The following AIFM2 variants were observed in gnomAD, a reference collection of about 807,000 sequenced individuals.
AIFM2 encodes the protein ferroptosis suppressor protein 1.
Under a neutral mutation model 35.7 loss-of-function variants are expected in AIFM2, and 38 were observed. The observed-to-expected ratio is 1.06, with a 90% confidence interval of 0.82 to 1.39. The LOEUF is 1.39. AIFM2 is among the 40% of genes most tolerant of loss of function. The pLI is 0.00. For missense variants in AIFM2, 476 were observed against 491.2 expected, an observed-to-expected ratio of 0.97 and a Z score of 0.29; for synonymous variants, 185 against 203.5, an observed-to-expected ratio of 0.91 and a Z score of 0.77.
chr10:70,118,876 G>A (rs147835344), intron 5 of AIFM2, among the ~76,000 whole-genome samples: 201 of 152,326 alleles, frequency 1.3e-3, no homozygotes, highest in African/African-American at 4.6e-3. Flanking sequence ...GTTCCCGGGT[G>A]ATGGGAGCAT....
chr10:70,128,568 G>A (rs998844472), intron 1 of AIFM2, among the ~76,000 whole-genome samples: 8 of 152,186 alleles, frequency 5.3e-5, no homozygotes, highest in Admixed American at 1.3e-4. Context: ...TCGCCGTGTC[G>A]GCCAGGCTGG....
chr10:70,120,496 G>T lies in AIFM2; in HGVS notation c.507+11C>A, dbSNP rs780618604. The T allele has an allele frequency of 1.2e-6, 2 of 1,614,144 alleles. No individual in the cohort carries two copies. Among genetic ancestry groups the T allele is most frequent in the Non-Finnish European group, 1.7e-6 (2 of 1,179,984 alleles). On this transcript the variant is annotated intron_variant, in intron 5 of 8. Transcript: ENST00000307864. ...CCACTTAGAGCTCCAAGGCAAGGCA[G>T]CCTGGCTCACCTCTTTCTCAGGATA...
rs2072401100 is a variant in AIFM2 at position 70,113,584 on chromosome 10, G to A, written c.*594C>T. On this transcript the variant is annotated 3_prime_UTR_variant, in exon 9 of 9. Coordinates refer to ENST00000307864, the MANE Select transcript of AIFM2 (RefSeq NM_032797.6). ...AATGTAGGAAGGCCATGAGGCTTAA[G>A]GAGCACAGGGATTATGCACCTGTTA... 1 of 152,290 alleles carries A rather than the reference G, an allele frequency of 6.6e-6. No homozygotes were observed. The highest frequency in any genetic ancestry group is 6.5e-5 in the Admixed American group (1 of 15,274). 9.4% of individuals were successfully genotyped at this position (152,290 alleles called of 1,614,324 possible).
intron 7 of AIFM2, among the ~76,000 whole-genome samples, 187 bp downstream of exon 7, chr10:70,116,435 C>T (rs1424919866): frequency 1.3e-5 from 2 of 152,212 alleles, no homozygotes; most frequent in Non-Finnish European, 2.9e-5. Context: ...CACCTGGGGC[C>T]GAGCCATGGT....
chr10:70,124,173 C>T, intron 1 of AIFM2, 76 bp from the exon 2 acceptor site: 1 of 1,168,094 alleles, frequency 8.6e-7, no homozygotes, highest in Non-Finnish European at 1.1e-6. Context: ...GTGAGAGAGG[C>T]CTCGATCATG....
rs1348033213 is a variant in AIFM2 at position 70,131,681 on chromosome 10, C to T, written c.-14+1053G>A. Among the ~76,000 whole-genome samples the T allele has an allele frequency of 6.6e-6, 1 of 152,164 alleles. No homozygotes were observed. Among genetic ancestry groups the T allele is most frequent in the Admixed American group, 6.5e-5 (1 of 15,284 alleles). On this transcript the variant is annotated intron_variant, in intron 1 of 8. Transcript: ENST00000307864. This position sits in a 1 kb window ranked among gnomAD's most constrained non-coding sequence, Gnocchi z 4.1. Reference sequence around the variant, plus strand: ...GGCCACCAGACAAAAGTCAGGCTGGCCCTGGAGTCCACCGGCCTGCCCAGC... The same window carrying T: ...GGCCACCAGACAAAAGTCAGGCTGGTCCTGGAGTCCACCGGCCTGCCCAGC...
chr10:70,117,211 C>A lies in AIFM2; in HGVS notation c.617-437G>T, dbSNP rs565386345. On this transcript the variant is annotated intron_variant, in intron 6 of 8. Coordinates refer to ENST00000307864, the MANE Select transcript of AIFM2 (RefSeq NM_032797.6). This position sits in a 1 kb window ranked among gnomAD's most constrained non-coding sequence, Gnocchi z 4.7. ...CTAAAGTGACAGTGACGGCAGCACT[C>A]CACAGCCAGTTACCAAAAGGAGGCT... is the stretch of plus-strand genomic sequence containing the variant. Among the ~76,000 whole-genome samples, 1 of 152,320 alleles carries A rather than the reference C, an allele frequency of 6.6e-6. No individual in the cohort carries two copies. The highest frequency in any genetic ancestry group is 2.4e-5 in the African/African-American group (1 of 41,578).
At chr10:70,125,378 A>G (rs1278685913) in intron 1 of AIFM2, among the ~76,000 whole-genome samples, 2 of 139,252 alleles carry the variant, frequency 1.4e-5, no homozygotes, top group Non-Finnish European at 3.1e-5. Flanking sequence ...AGGAAGGAGG[A>G]TCTTTTGAGC....
At chr10:70,129,399 C>T (rs2072603647) in intron 1 of AIFM2, among the ~76,000 whole-genome samples, 2 of 151,620 alleles carry the variant, frequency 1.3e-5, no homozygotes, top group South Asian at 4.2e-4. Context: ...ATTAGTTTGC[C>T]CAGTCCCAAA....
Position 70,121,640 on chromosome 10 carries a change from T to C in AIFM2, c.295-429A>G, listed in dbSNP as rs77255874. On this transcript the variant is annotated intron_variant, in intron 3 of 8. Transcript: ENST00000307864. ...AGAAAGGGAAAGAAAGAAAGACTGA[T>C]CAGTAGTGGCATCACATCTGTGAAC... Among the ~76,000 whole-genome samples the C allele has an allele frequency of 7.7e-3, 1,167 of 151,388 alleles. 19 individuals are homozygous for C. Among genetic ancestry groups the C allele is most frequent in the African/African-American group, 0.019 (771 of 40,886 alleles).
Position 70,114,785 on chromosome 10 carries a change from A to T in AIFM2, c.970+135T>A. 3.5e-6 allele frequency: 4 copies of T among 1,135,862 alleles called. No individual in the cohort carries two copies. The Admixed American group carries it at 7.1e-5, about 20-fold the overall frequency. The allele number at this position is 1,135,862 out of a possible 1,614,324, so 70.4% of individuals were successfully genotyped here. On this transcript the variant is annotated intron_variant, in intron 8 of 8. Coordinates refer to ENST00000307864, the MANE Select transcript of AIFM2 (RefSeq NM_032797.6). ...CACCGCGCCCAGCCTATTTTTAAAG[A>T]GCTCTAAGGGGATGTTTCCATCACC...
At position 70,126,516 on chromosome 10, in the gene AIFM2, C is replaced by T. The variant is rs147162891; in HGVS notation, c.-13-2419G>A. On this transcript the variant is annotated intron_variant, in intron 1 of 8. Coordinates refer to ENST00000307864, the MANE Select transcript of AIFM2 (RefSeq NM_032797.6). ...CACTGCACTGCCCTGATCATCTTTG[C>T]GGGTCTGGGGCACAACCCCTTCCCT... Among the ~76,000 whole-genome samples the T allele has an allele frequency of 5.7e-4, 87 of 152,278 alleles. 3 individuals are homozygous for T. The East Asian group carries it at 0.015, about 27-fold the overall frequency.
intron 1 of AIFM2, among the ~76,000 whole-genome samples, chr10:70,126,340 T>C (rs1365054542): frequency 6.6e-6 from 1 of 152,212 alleles, no homozygotes; most frequent in African/African-American, 2.4e-5. Context: ...CAACAGCTGC[T>C]GTGGGCTTCA....
At chr10:70,129,616 C>T (rs2072606143) in intron 1 of AIFM2, among the ~76,000 whole-genome samples, 1 of 152,156 alleles carries the variant, frequency 6.6e-6, no homozygotes. Context: ...CAATTCTCAA[C>T]ACATCAAACC....
chr10:70,132,132 A>G (rs982972524), intron 1 of AIFM2, among the ~76,000 whole-genome samples: 1 of 152,180 alleles, frequency 6.6e-6, no homozygotes, highest in Non-Finnish European at 1.5e-5. Context: ...ATTCAGTTCC[A>G]GGTGGACTGC....
At chr10:70,118,351 C>T (rs1436309057) in intron 5 of AIFM2, 2 of 157,110 alleles carry the variant, frequency 1.3e-5, no homozygotes, top group Non-Finnish European at 2.8e-5. Flanking sequence ...CACAGGGAAG[C>T]GTCCCGGGCA....
At position 70,124,112 on chromosome 10, in the gene AIFM2, G is replaced by A. The variant is rs899829596; in HGVS notation, c.-13-15C>T. ...CAAATCAGGCACTGCTGGGAAGAAA[G>A]AGGAGAGCATATCAGAGTCAGGGAG... On this transcript the variant is annotated splice_polypyrimidine_tract_variant and intron_variant, in intron 1 of 8. Transcript: ENST00000307864. The A allele has an allele frequency of 5.2e-5, 75 of 1,449,740 alleles. No individual in the cohort carries two copies. The highest frequency in any genetic ancestry group is 6.4e-5 in the Non-Finnish European group (70 of 1,092,382). 89.8% of individuals were successfully genotyped at this position (1,449,740 alleles called of 1,614,324 possible).
chr10:70,114,042 G>A lies in AIFM2; in HGVS notation c.*136C>T. The A allele has an allele frequency of 8.7e-7, 1 of 1,149,124 alleles. No individual in the cohort carries two copies. Among genetic ancestry groups the A allele is most frequent in the Non-Finnish European group, 1.2e-6 (1 of 835,394 alleles). The allele number at this position is 1,149,124 out of a possible 1,614,324, so 71.2% of individuals were successfully genotyped here. A position where few individuals can be genotyped will look rare whatever the true frequency, so the allele number is the denominator to read the frequency against. ...CTCCCATTTTTGTTTTATACAAGTT[G>A]CATTTCTAGCCACCACATCATTGGC... is the stretch of plus-strand genomic sequence containing the variant. On this transcript the variant is annotated 3_prime_UTR_variant, in exon 9 of 9. Transcript: ENST00000307864.
At chr10:70,123,687 T>G (rs2072534764) in intron 2 of AIFM2, among the ~76,000 whole-genome samples, 167 bp from the exon 3 acceptor site, 1 of 152,160 alleles carries the variant, frequency 6.6e-6, no homozygotes, top group African/African-American at 2.4e-5. Flanking sequence ...AATGCCAATC[T>G]GGGCCTCAGA....
Sources: gnomAD v4.1 joint callset for allele counts (sites outside exome capture counted in the v4.1 genomes callset) on GRCh38, gnomAD v4.1.1 for gene constraint, Gnocchi (gnomAD v3.1) non-coding constraint, MANE v1.5 for transcripts, NCBI Gene and HGNC (gene_info 2026-07-23, HGNC 2026-07-21) for gene names.